The following KIAA0408 variants were observed in gnomAD, a reference collection of about 807,000 sequenced individuals.
KIAA0408 encodes uncharacterized protein KIAA0408.
Under a neutral mutation model 60.9 loss-of-function variants are expected in KIAA0408, and 51 were observed. The observed-to-expected ratio is 0.84, with a 90% CI of 0.67 to 1.06. The LOEUF is 1.06. KIAA0408 is among the 50% of genes least tolerant of loss of function. The pLI, the probability that KIAA0408 is intolerant of heterozygous loss-of-function variation, is 0.00. For synonymous variants in KIAA0408, 304 were observed against 282.4 expected (o/e 1.08, Z -0.77); for missense variants, 787 against 833.9 (o/e 0.94, Z 0.69).
Position 127,453,888 on chromosome 6 carries a change from A to G in KIAA0408, c.94T>C (p.Trp32Arg). The G allele has an allele frequency of 6.2e-7, 1 of 1,612,786 alleles. No individual in the cohort carries two copies. Among genetic ancestry groups the G allele is most frequent in the South Asian group, 1.1e-5 (1 of 90,990 alleles). The part of the protein sequence containing the change: ...LDQFDNERKE[W>R]ESQWKIMQKK... Reference sequence around the variant, plus strand: ...TGCATAATCTTCCATTGACTTTCCCATTCCTTTCTTTCATTGTCAAACTGG... The same window carrying G: ...TGCATAATCTTCCATTGACTTTCCCGTTCCTTTCTTTCATTGTCAAACTGG... The change falls in exon 2 of 6, where the codon TGG becomes CGG. Residue 32 changes from tryptophan (W) to arginine (R), a missense_variant. By Grantham distance (101) the Trp-to-Arg change is moderately radical. Transcript: ENST00000483725.
rs753980219 is a variant in KIAA0408, at chr6:127,447,596, G to A, written c.723C>T (p.Thr241=). Residue 241 remains threonine, a synonymous_variant, in exon 5 of 6, where the codon ACC becomes ACT. Transcript: ENST00000483725. The part of the protein sequence containing the change: ...KQKNRKNLSC[T]NVLQSNSTKK... ...TCGTAGAATTGCTCTGGAGCACATT[G>A]GTACAGCTCAGATTCTTCCTGTTTT... 1 of 1,613,138 alleles carries A rather than the reference G, an allele frequency of 6.2e-7. No homozygotes were observed. The highest frequency in any genetic ancestry group is 1.3e-5 in the African/African-American group (1 of 74,890).
chr6:127,440,916 TG>T lies in KIAA0408; in HGVS notation c.*3192del, dbSNP rs1004075051. On this transcript the variant is annotated 3_prime_UTR_variant, in exon 6 of 6. Coordinates refer to ENST00000483725, the MANE Select transcript of KIAA0408 (RefSeq NM_014702.5). Reference sequence around the variant, plus strand: ...TCAGTTGTACTACCTAGAGATATTTTGGAAGAAGCTAGAGTGAACTGTGTAC... The same window carrying T: ...TCAGTTGTACTACCTAGAGATATTTTGAAGAAGCTAGAGTGAACTGTGTAC... The T allele has an allele frequency of 6.6e-6, 1 of 152,180 alleles. No individual in the cohort carries two copies. The highest frequency in any genetic ancestry group is 1.5e-5 in the Non-Finnish European group (1 of 68,028). The allele number at this position is 152,180 out of a possible 1,614,324, so 9.4% of individuals were successfully genotyped here.
chr6:127,450,046 G>A lies in KIAA0408; in HGVS notation c.442C>T (p.Pro148Ser). The A allele has an allele frequency of 6.2e-7, 1 of 1,614,078 alleles. No individual in the cohort carries two copies. Among genetic ancestry groups the A allele is most frequent in the Non-Finnish European group, 8.5e-7 (1 of 1,179,980 alleles). The stretch of plus-strand genomic sequence containing the variant: ...TCTTCCTCAGAAGTCCTCAGGTCAG[G>A]CCAGGCCTCACATTCCTTTTGGTTG... ...TDNQKECEAW[P>S]DLRTSEEDSK... Residue 148 changes from proline (P) to serine (S), a missense_variant, in exon 3 of 6, where the codon CCT becomes TCT. Coordinates refer to ENST00000483725, the MANE Select transcript of KIAA0408 (RefSeq NM_014702.5).
At position 127,447,602 on chromosome 6, in the gene KIAA0408, G is replaced by T; in HGVS notation, c.717C>A (p.Ser239Arg). 6.2e-7 allele frequency: 1 copy of T among 1,613,246 alleles called. No individual in the cohort carries two copies. Residue 239 changes from serine (S) to arginine (R), a missense_variant, in exon 5 of 6, where the codon AGC becomes AGA. By Grantham distance (110) the Ser-to-Arg change is moderately radical (BLOSUM62 -1). Coordinates refer to ENST00000483725, the MANE Select transcript of KIAA0408 (RefSeq NM_014702.5). ...KEKQKNRKNL[S>R]CTNVLQSNST... Reference sequence around the variant, plus strand: ...AATTGCTCTGGAGCACATTGGTACAGCTCAGATTCTTCCTGTTTTTCTGTT... The same window carrying T: ...AATTGCTCTGGAGCACATTGGTACATCTCAGATTCTTCCTGTTTTTCTGTT...
chr6:127,451,043 G>A (rs1298995256), intron 2 of KIAA0408: 3 of 243,860 alleles, frequency 1.2e-5, no homozygotes, highest in African/African-American at 6.9e-5. Context: ...GTAGAATCCA[G>A]ATTACTTCTT....
intron 1 of KIAA0408, among the ~76,000 whole-genome samples, chr6:127,458,279 T>C (rs988421422): frequency 1.4e-4 from 22 of 152,346 alleles, no homozygotes; most frequent in African/African-American, 3.8e-4. Context: ...TTCCTCTCTA[T>C]TGTTCACTTG....
rs1220434728 is a variant in KIAA0408 at position 127,442,869 on chromosome 6, G to A, written c.*1240C>T. On this transcript the variant is annotated 3_prime_UTR_variant, in exon 6 of 6. Transcript: ENST00000483725. ...TTCCATTTAGAATTCCAAGCCCCTC[G>A]ACATTCATATTTCTGTCAGTTTTCA... The A allele has an allele frequency of 6.6e-6, 1 of 152,036 alleles. No individual in the cohort carries two copies. The highest frequency in any genetic ancestry group is 6.6e-5 in the Admixed American group (1 of 15,238). 9.4% of individuals were successfully genotyped at this position (152,036 alleles called of 1,614,324 possible). A position where few individuals can be genotyped will look rare whatever the true frequency, so the allele number is the denominator to read the frequency against.
Position 127,450,159 on chromosome 6 carries a change from C to A in KIAA0408, c.329G>T (p.Ser110Ile). The change falls in exon 3 of 6, where the codon AGC becomes ATC. Residue 110 changes from serine to isoleucine, a missense_variant. Physicochemically the swap from Ser to Ile is moderately radical, Grantham distance 142 (BLOSUM62 -2). This residue lies in a region of KIAA0408 where 640 missense variants were observed against 681.3 expected (regional missense o/e 0.94). Coordinates refer to ENST00000483725, the MANE Select transcript of KIAA0408 (RefSeq NM_014702.5). ...GLRKENKREQ[S>I]LVSGGNQMCK... is the part of the protein sequence containing the mutation. ...CATTTGATTTCCTCCACTGACTAAGCTCTGCTCTCTTTTATTTTCTTTTCT... is the reference window on the plus strand; with the variant it reads ...CATTTGATTTCCTCCACTGACTAAGATCTGCTCTCTTTTATTTTCTTTTCT... 1 of 1,614,062 alleles carries A rather than the reference C, an allele frequency of 6.2e-7. No individual in the cohort carries two copies. The highest frequency in any genetic ancestry group is 8.5e-7 in the Non-Finnish European group (1 of 1,179,974).
intron 5 of KIAA0408, among the ~76,000 whole-genome samples, chr6:127,445,917 T>A (rs1193586177): frequency 4.6e-5 from 7 of 152,178 alleles, no homozygotes; most frequent in African/African-American, 1.7e-4. Flanking sequence ...CTGTTTTAAA[T>A]GATGTGTATT....
At chr6:127,453,814 A>G in intron 2 of KIAA0408, 33 bp downstream of exon 2, 3 of 1,599,960 alleles carry the variant, frequency 1.9e-6, no homozygotes, top group Non-Finnish European at 1.7e-6. Flanking sequence ...GCACTTAAAC[A>G]TTACAGTATA....
intron 2 of KIAA0408, among the ~76,000 whole-genome samples, chr6:127,452,222 A>G (rs555878495): frequency 2.0e-5 from 3 of 152,170 alleles, no homozygotes; most frequent in Non-Finnish European, 4.4e-5. Context: ...AATAATTTAC[A>G]TCTGATTTAA....
chr6:127,449,008 C>T lies in KIAA0408; in HGVS notation c.578+814G>A, dbSNP rs546765093. Among the ~76,000 whole-genome samples the T allele has an allele frequency of 2.6e-5, 4 of 152,216 alleles. No individual in the cohort carries two copies. In the South Asian group the frequency reaches 8.3e-4, roughly 32 times the overall value. On this transcript the variant is annotated intron_variant, in intron 4 of 5. Transcript: ENST00000483725. ...GCACGCGTACATGTGTACATATTTA[C>T]AATATGTTGTTCTGAAAAGTATGTA...
chr6:127,456,113 C>A (rs916852939), intron 1 of KIAA0408, among the ~76,000 whole-genome samples: 2 of 152,032 alleles, frequency 1.3e-5, no homozygotes, highest in Non-Finnish European at 2.9e-5. Context: ...AAAGTATTTG[C>A]CACTGGAACT....
In KIAA0408 at chr6:127,449,844, G is replaced by C. The variant is rs755671427; in HGVS notation, c.556C>G (p.Arg186Gly). 2 of 1,613,748 alleles carry C rather than the reference G, an allele frequency of 1.2e-6. No individual in the cohort carries two copies. Among genetic ancestry groups the C allele is most frequent in the Admixed American group, 1.7e-5 (1 of 59,966 alleles). ...EELCSFQEEIRKRSNHRRMKS... is the reference protein window; with the variant it reads ...EELCSFQEEIGKRSNHRRMKS... ...TACCTTCTATGGTTAGACCGCTTTC[G>C]AATTTCCTCTTGAAAGCTGCATAAT... Residue 186 changes from arginine to glycine, a missense_variant, in exon 4 of 6, where the codon CGA becomes GGA. Physicochemically the swap from Arg to Gly is moderately radical, Grantham distance 125. Coordinates refer to ENST00000483725, the MANE Select transcript of KIAA0408 (RefSeq NM_014702.5).
chr6:127,450,462 A>G (rs892317265), intron 2 of KIAA0408, 110 bp from the exon 3 acceptor site: 19 of 1,423,222 alleles, frequency 1.3e-5, no homozygotes, highest in African/African-American at 2.9e-5. Flanking sequence ...ATTAAAATAT[A>G]CTTCCTGGGT....
rs1346127525 is a variant in KIAA0408, at chr6:127,447,642, C to T, written c.677G>A (p.Ser226Asn). 6.2e-7 allele frequency: 1 copy of T among 1,612,434 alleles called. No individual in the cohort carries two copies. The highest frequency in any genetic ancestry group is 1.1e-5 in the South Asian group (1 of 90,726). ...INNDQCILPISLEKEKQKNRK... is the reference protein window; with the variant it reads ...INNDQCILPINLEKEKQKNRK... ...GTTTTTCTGTTTTTCTTTTTCTAAACTGATTGGAAGAATGCACTGGTCATT... is the reference window on the plus strand; with the variant it reads ...GTTTTTCTGTTTTTCTTTTTCTAAATTGATTGGAAGAATGCACTGGTCATT... The change falls in exon 5 of 6, where the codon AGT (serine) becomes AAT (asparagine). Residue 226 changes from serine to asparagine, a missense_variant. By Grantham distance (46) the Ser-to-Asn change is conservative. Transcript: ENST00000483725.
At position 127,440,983 on chromosome 6, in the gene KIAA0408, G is replaced by T. The variant is rs1197037104; in HGVS notation, c.*3126C>A. 2 of 152,166 alleles carry T rather than the reference G, an allele frequency of 1.3e-5. No individual in the cohort carries two copies. Among genetic ancestry groups the T allele is most frequent in the African/African-American group, 4.8e-5 (2 of 41,442 alleles). The allele number at this position is 152,166 out of a possible 1,614,324, so 9.4% of individuals were successfully genotyped here. A position where few individuals can be genotyped will look rare whatever the true frequency, so the allele number is the denominator to read the frequency against. On this transcript the variant is annotated 3_prime_UTR_variant, in exon 6 of 6. Transcript: ENST00000483725. ...TTTCATAAGACACTTAGCTTTACTG[G>T]AGTTCACTGCAGAAAATGAGGGAAA...
rs573319163 is a variant in KIAA0408, at chr6:127,456,502, G to A, written c.-120-2401C>T. 1.1e-4 allele frequency among the ~76,000 whole-genome samples: 16 copies of A among 152,194 alleles called. 1 individual carries two copies. The Middle Eastern group carries it at 0.014, about 129-fold the overall frequency. ...CCAGGTAACAGTCCTGAAGCAGACC[G>A]AATCCTGCACCTATTTGCAAAGAGC... On this transcript the variant is annotated intron_variant, in intron 1 of 5. Coordinates refer to ENST00000483725, the MANE Select transcript of KIAA0408 (RefSeq NM_014702.5).
intron 5 of KIAA0408, among the ~76,000 whole-genome samples, chr6:127,444,666 A>G (rs1014252405): frequency 1.3e-5 from 2 of 152,130 alleles, no homozygotes; most frequent in Non-Finnish European, 2.9e-5. Context: ...AAGATAATTT[A>G]TAGAAGAAAC....
Sources: gnomAD v4.1 joint callset for allele counts (sites outside exome capture counted in the v4.1 genomes callset) on GRCh38, gnomAD v4.1.1 for gene constraint, gnomAD v4.1.1 regional missense constraint, MANE v1.5 for transcripts, NCBI Gene and HGNC (gene_info 2026-07-23, HGNC 2026-07-21) for gene names.